VPS13D: variants seen among roughly 807,000 people sequenced by gnomAD.
VPS13D encodes the protein vacuolar protein sorting 13 homolog D, also known as intermembrane lipid transfer protein VPS13D.
VPS13D carries 187 observed loss-of-function variants against 461.9 expected under a neutral mutation model. That is an observed-to-expected ratio of 0.40 (90% CI 0.36 to 0.46). The LOEUF is 0.46. Ranked by LOEUF, VPS13D falls within the 20% of genes least tolerant of loss-of-function variation. The pLI is 0.60. For synonymous variants in VPS13D, 1,951 were observed against 1,986.3 expected (o/e 0.98, Z 0.47); for missense variants, 4,711 against 5,364.9 (o/e 0.88, Z 3.81).
intron 58 of VPS13D, among the ~76,000 whole-genome samples, chr1:12,383,843 G>A (rs1179323930): frequency 6.6e-6 from 1 of 152,174 alleles, no homozygotes; most frequent in Non-Finnish European, 1.5e-5. Context: ...AATAAACATA[G>A]GAAGTAAATG....
intron 68 of VPS13D, among the ~76,000 whole-genome samples, chr1:12,504,841 G>A (rs902859985): frequency 5.3e-5 from 8 of 152,096 alleles, no homozygotes; most frequent in African/African-American, 7.2e-5. Flanking sequence ...TAGTCATGTC[G>A]GCCACTCTGG....
chr1:12,341,326 A>G (rs1200860090), intron 40 of VPS13D, among the ~76,000 whole-genome samples: 1 of 152,244 alleles, frequency 6.6e-6, no homozygotes, highest in Non-Finnish European at 1.5e-5. Context: ...TTATTTTGTT[A>G]CAAAATGCAT....
At chr1:12,471,065 G>T (rs1344002301) in intron 67 of VPS13D, among the ~76,000 whole-genome samples, 4 of 152,182 alleles carry the variant, frequency 2.6e-5, no homozygotes, top group Non-Finnish European at 1.5e-5. Context: ...ACTTTGGGAG[G>T]CTGAAGTGGG....
At chr1:12,391,289 C>A (rs1644423370) in intron 60 of VPS13D, among the ~76,000 whole-genome samples, 1 of 152,330 alleles carries the variant, frequency 6.6e-6, no homozygotes, top group African/African-American at 2.4e-5. Context: ...TTGGGTGGTG[C>A]CTGCATATCG....
At chr1:12,381,912 C>CT (rs1056015327) in intron 57 of VPS13D, among the ~76,000 whole-genome samples, 11 of 112,028 alleles carry the variant, frequency 9.8e-5, no homozygotes, top group Middle Eastern at 9.2e-3. Context: ...TTTTCTTTTT[C>CT]TTTCTTTTCT....
At chr1:12,440,655 C>T (rs1244665503) in intron 65 of VPS13D, among the ~76,000 whole-genome samples, 1 of 152,254 alleles carries the variant, frequency 6.6e-6, no homozygotes, top group African/African-American at 2.4e-5. Flanking sequence ...GTGGGTGGAT[C>T]ACTTGAGGCC....
chr1:12,341,862 C>T lies in VPS13D; in HGVS notation c.8709C>T (p.Ala2903=), dbSNP rs879016372. The change falls in exon 41 of 70, where the codon GCC becomes GCT. Residue 2903 remains alanine, a synonymous_variant. Transcript: ENST00000620676. ...RNHTGCTLWF[A]TLTTTPTRAA... is the part of the protein sequence containing the mutation. ...ACACGGGGTGCACTTTGTGGTTTGC[C>T]ACCCTGACCACCACACCCACCAGGT... 6.2e-6 allele frequency: 10 copies of T among 1,613,964 alleles called. No homozygotes were observed. The South Asian group carries it at 1.1e-4, about 18-fold the overall frequency.
chr1:12,284,869 G>T (rs910680998), intron 21 of VPS13D, among the ~76,000 whole-genome samples: 11 of 152,214 alleles, frequency 7.2e-5, no homozygotes, highest in African/African-American at 2.2e-4. Context: ...GAATGACTTT[G>T]CAGTACTCCG....
chr1:12,499,506 T>C (rs1646006730), intron 68 of VPS13D: 1 of 985,404 alleles, frequency 1.0e-6, no homozygotes, highest in Non-Finnish European at 1.2e-6. Context: ...ACAGCCAACA[T>C]AGGACTGCTC....
chr1:12,347,263 C>T (rs566244570), intron 44 of VPS13D, among the ~76,000 whole-genome samples: 10 of 152,192 alleles, frequency 6.6e-5, no homozygotes, highest in East Asian at 3.9e-4. Context: ...ATCCGCCCCC[C>T]GGGTTCAAGC....
chr1:12,255,371 TAAAC>T (rs1293657205), intron 7 of VPS13D, among the ~76,000 whole-genome samples: 15 of 152,270 alleles, frequency 9.9e-5, no homozygotes, highest in Non-Finnish European at 1.5e-4. Flanking sequence ...AGTATGAAGT[TAAAC>T]AAACTAAGGT....
intron 32 of VPS13D, 85 bp downstream of exon 32, chr1:12,319,715 C>G: frequency 6.3e-7 from 1 of 1,579,018 alleles, no homozygotes; most frequent in Admixed American, 1.7e-5. Context: ...CTTAAACTTT[C>G]ATGAGGGGAA....
chr1:12,344,900 C>T (rs1643642547), intron 42 of VPS13D: 1 of 154,270 alleles, frequency 6.5e-6, no homozygotes, highest in South Asian at 2.0e-4. Flanking sequence ...CTGTGCCTCT[C>T]CTGCCCTGTC....
chr1:12,413,916 G>C (rs1381540100), intron 63 of VPS13D, among the ~76,000 whole-genome samples: 1 of 152,030 alleles, frequency 6.6e-6, no homozygotes, highest in Non-Finnish European at 1.5e-5. Flanking sequence ...TATTAAGATT[G>C]TGCATGTACA....
intron 65 of VPS13D, among the ~76,000 whole-genome samples, chr1:12,455,764 C>CA (rs1270311662): frequency 6.6e-6 from 1 of 151,954 alleles, no homozygotes; most frequent in Non-Finnish European, 1.5e-5. Context: ...GCTAAAAATA[C>CA]AAAAATTAGC....
chr1:12,245,508 GGTTGTGCGT>G (rs1640520751), intron 5 of VPS13D, among the ~76,000 whole-genome samples: 5 of 152,074 alleles, frequency 3.3e-5, no homozygotes, highest in African/African-American at 1.2e-4. Flanking sequence ...ATATTTACAA[GGTTGTGCGT>G]TGGTCACCAC....
chr1:12,442,452 G>A (rs950492662), intron 65 of VPS13D, among the ~76,000 whole-genome samples: 30 of 152,100 alleles, frequency 2.0e-4, no homozygotes. Context: ...AACTTATATT[G>A]TGTGTTTCAA....
chr1:12,284,883 C>T (rs894232165), intron 21 of VPS13D, among the ~76,000 whole-genome samples: 45 of 152,326 alleles, frequency 3.0e-4, no homozygotes, highest in African/African-American at 1.1e-3. Flanking sequence ...TACTCCGAGG[C>T]CTCTGGTACT....
At chr1:12,389,868 CT>C (rs1264149126) in intron 60 of VPS13D, among the ~76,000 whole-genome samples, 1 of 152,136 alleles carries the variant, frequency 6.6e-6, no homozygotes, top group African/African-American at 2.4e-5. Context: ...CATGGTAATC[CT>C]AAGAGATGCC....
Sources: allele counts gnomAD v4.1 joint callset (sites outside exome capture counted in the v4.1 genomes callset), GRCh38; gene constraint gnomAD v4.1.1; transcripts MANE v1.5; gene names NCBI Gene and HGNC (gene_info 2026-07-23, HGNC 2026-07-21).